Variants in NCAM2 observed in about 807,000 individuals in gnomAD.
The protein encoded by NCAM2 is N-CAM-2.
Under a neutral mutation model 98.1 loss-of-function variants are expected in NCAM2, and 30 were observed. That is an observed-to-expected ratio of 0.31 (90% CI 0.23 to 0.41). NCAM2 has a LOEUF of 0.41. Among genes scored for constraint, NCAM2 ranks in the 10% least tolerant of loss-of-function variants. The pLI, the probability that NCAM2 is intolerant of heterozygous loss-of-function variation, is 1.00. For missense variants in NCAM2, 867 were observed against 1,005.8 expected (o/e 0.86, Z 1.87); for synonymous variants, 368 against 342.4 (o/e 1.07, Z -0.83).
At chr21:21,402,522 A>C (rs1273249027) in intron 9 of NCAM2, among the ~76,000 whole-genome samples, 6 of 152,002 alleles carry the variant, frequency 3.9e-5, no homozygotes, top group African/African-American at 1.5e-4. Flanking sequence ...CTGAACATAG[A>C]CCCTTATCAG....
intron 1 of NCAM2, among the ~76,000 whole-genome samples, chr21:21,212,399 G>A (rs117360526): frequency 0.01 from 1,549 of 152,260 alleles, 11 homozygotes; most frequent in Middle Eastern, 0.02. Flanking sequence ...ACATCAGAGG[G>A]GCAAGTGAGA....
intron 8 of NCAM2, among the ~76,000 whole-genome samples, chr21:21,360,542 C>T (rs370904976): frequency 2.0e-4 from 31 of 152,026 alleles, no homozygotes; most frequent in Middle Eastern, 3.4e-3. Context: ...CAAATAAGTA[C>T]GAATAGTAAA....
intron 14 of NCAM2, among the ~76,000 whole-genome samples, chr21:21,475,041 CATAT>C (rs5842930): frequency 0.053 from 7,935 of 148,566 alleles, 248 homozygotes; most frequent in Non-Finnish European, 0.069. Context: ...ATATAATGCA[CATAT>C]ATATATATAT....
intron 1 of NCAM2, among the ~76,000 whole-genome samples, chr21:21,261,503 G>A (rs555102828): frequency 1.8e-4 from 28 of 151,948 alleles, no homozygotes; most frequent in African/African-American, 5.3e-4. Flanking sequence ...ATATTTTGTC[G>A]GACAACAGTG....
At position 21,075,945 on chromosome 21, in the gene NCAM2, C is replaced by T. The variant is rs181217686; in HGVS notation, c.55+77327C>T. On this transcript the variant is annotated intron_variant, in intron 1 of 17. Coordinates refer to ENST00000400546, the MANE Select transcript of NCAM2 (RefSeq NM_004540.5). ...CAGTTTGGCCAACATAGTGAAACCC[C>T]GTCTCGACTAAAAATACAAAAATTA... Among the ~76,000 whole-genome samples the T allele has an allele frequency of 9.8e-4, 149 of 151,858 alleles. 3 individuals carry two copies. The East Asian group carries it at 0.021, about 21-fold the overall frequency.
At chr21:21,085,507 C>T (rs1163196020) in intron 1 of NCAM2, among the ~76,000 whole-genome samples, 1 of 152,060 alleles carries the variant, frequency 6.6e-6, no homozygotes, top group East Asian at 1.9e-4. Context: ...CTCACTTGTC[C>T]AGCTGGGCTC....
intron 1 of NCAM2, among the ~76,000 whole-genome samples, chr21:21,134,161 C>A (rs1007070689): frequency 3.3e-5 from 5 of 151,638 alleles, no homozygotes; most frequent in Non-Finnish European, 5.9e-5. Flanking sequence ...CTCCGCCTCC[C>A]GGGTCCAGGA....
At position 21,268,053 on chromosome 21, in the gene NCAM2, T is replaced by C. The variant is rs186922424; in HGVS notation, c.56-12525T>C. Among the ~76,000 whole-genome samples, 314 of 152,300 alleles carry C rather than the reference T, an allele frequency of 2.1e-3. 5 individuals are homozygous for C. The South Asian group carries it at 0.026, about 12-fold the overall frequency. On this transcript the variant is annotated intron_variant, in intron 1 of 17. Coordinates refer to ENST00000400546, the MANE Select transcript of NCAM2 (RefSeq NM_004540.5). The stretch of plus-strand genomic sequence containing the variant: ...GGTTCGGCTGCAGCATTTTTGGCTC[T>C]TGTGAATTTCTGACTCTTTGAACTG...
At chr21:21,309,797 ACTCT>A (rs377746865) in intron 5 of NCAM2, among the ~76,000 whole-genome samples, 1 of 151,690 alleles carries the variant, frequency 6.6e-6, no homozygotes, top group Non-Finnish European at 1.5e-5. Flanking sequence ...CAATCTAGAA[ACTCT>A]CTCTAGACAG....
chr21:21,228,348 C>G (rs1420943467), intron 1 of NCAM2, among the ~76,000 whole-genome samples: 2 of 151,280 alleles, frequency 1.3e-5, no homozygotes, highest in African/African-American at 4.8e-5. Flanking sequence ...GATACATTAG[C>G]AATTTTCTGC....
chr21:21,156,427 C>A (rs1370642614), intron 1 of NCAM2, among the ~76,000 whole-genome samples: 1 of 151,776 alleles, frequency 6.6e-6, no homozygotes, highest in African/African-American at 2.4e-5. Context: ...TCTGGGTATG[C>A]AGAGTATATA....
chr21:21,228,577 A>C (rs2070487423), intron 1 of NCAM2, among the ~76,000 whole-genome samples: 1 of 151,552 alleles, frequency 6.6e-6, no homozygotes, highest in Non-Finnish European at 1.5e-5. Context: ...CACTGAGAGA[A>C]GTATTCAAAT....
intron 8 of NCAM2, among the ~76,000 whole-genome samples, chr21:21,351,787 C>T (rs1266723620): frequency 6.6e-6 from 1 of 152,162 alleles, no homozygotes; most frequent in African/African-American, 2.4e-5. Context: ...AGCTCTGTTG[C>T]CCAAGCCAGA....
chr21:21,209,363 A>G (rs1601651693), intron 1 of NCAM2, among the ~76,000 whole-genome samples: 1 of 152,186 alleles, frequency 6.6e-6, no homozygotes, highest in Non-Finnish European at 1.5e-5. Context: ...CTATAGATGT[A>G]CAACACAATG....
At chr21:21,120,876 G>A (rs1008696994) in intron 1 of NCAM2, among the ~76,000 whole-genome samples, 14 of 151,902 alleles carry the variant, frequency 9.2e-5, no homozygotes, top group African/African-American at 3.4e-4. Context: ...GTGCCACCAA[G>A]CCTGGCTGAT....
intron 1 of NCAM2, among the ~76,000 whole-genome samples, chr21:21,146,024 T>C (rs780886183): frequency 3.4e-4 from 51 of 152,160 alleles, no homozygotes; most frequent in South Asian, 6.2e-4. Context: ...CTGGAAACTT[T>C]TGCAACAGAG....
intron 5 of NCAM2, among the ~76,000 whole-genome samples, chr21:21,302,657 G>A (rs1170835969): frequency 6.6e-6 from 1 of 152,094 alleles, no homozygotes; most frequent in Non-Finnish European, 1.5e-5. Context: ...TGTTGGAAAT[G>A]TAAGTCAGTT....
chr21:21,257,805 A>G (rs1409033573), intron 1 of NCAM2, among the ~76,000 whole-genome samples: 1 of 152,084 alleles, frequency 6.6e-6, no homozygotes, highest in Non-Finnish European at 1.5e-5. Context: ...CTGCTCTCAA[A>G]TTCCTGACCT....
intron 9 of NCAM2, among the ~76,000 whole-genome samples, chr21:21,405,340 C>A (rs2076718497): frequency 6.6e-6 from 1 of 152,024 alleles, no homozygotes. Context: ...TATATTTTAA[C>A]CTCTTAATGC....
Sources: allele counts gnomAD v4.1 joint callset (sites outside exome capture counted in the v4.1 genomes callset), GRCh38; gene constraint gnomAD v4.1.1; transcripts MANE v1.5; gene names NCBI Gene and HGNC (gene_info 2026-07-23, HGNC 2026-07-21).